The following RABGAP1L variants were observed in gnomAD, a reference collection of about 807,000 sequenced individuals.
RABGAP1L encodes the protein rab GTPase-activating protein 1-like.
In RABGAP1L, 63 loss-of-function variants were observed where a neutral mutation model predicts 137.7. The observed-to-expected ratio is 0.46, with a 90% CI of 0.37 to 0.56. The LOEUF (loss-of-function observed/expected upper bound fraction) is 0.56. Ranked by LOEUF, RABGAP1L falls within the 20% of genes least tolerant of loss-of-function variation. The pLI is 0.00. For synonymous variants in RABGAP1L, 431 were observed against 433.7 expected (o/e 0.99, Z 0.08); for missense variants, 1,095 against 1,244.0 (o/e 0.88, Z 1.80).
In RABGAP1L at chr1:174,172,177, TG is replaced by T. The variant is rs869171123; in HGVS notation, c.-34+12521del. Among the ~76,000 whole-genome samples the T allele has an allele frequency of 1.4e-3, 12 of 8,436 alleles. No homozygotes were observed. In the East Asian group the frequency reaches 0.015, roughly 10 times the overall value. 5.5% of individuals were successfully genotyped at this position (8,436 alleles called of 152,430 possible). A position where few individuals can be genotyped will look rare whatever the true frequency, so the allele number is the denominator to read the frequency against. On this transcript the variant is annotated intron_variant, in intron 1 of 25. Coordinates refer to ENST00000681986, the MANE Select transcript of RABGAP1L (RefSeq NM_001366446.1). ...TTTTTAAGGCTGAATAATATTCCCT[TG>T]TGTGTGTGTGTGTGTGTGTGTGTGT...
chr1:174,607,251 CAA>C (rs1341105157), intron 13 of RABGAP1L, among the ~76,000 whole-genome samples: 1 of 152,128 alleles, frequency 6.6e-6, no homozygotes, highest in Non-Finnish European at 1.5e-5. Flanking sequence ...AAAATAGAAA[CAA>C]AGAGCTAACA....
chr1:174,949,434 T>C lies in RABGAP1L; in HGVS notation c.2341-8023T>C, dbSNP rs116444495. Among the ~76,000 whole-genome samples the C allele has an allele frequency of 9.1e-3, 1,389 of 152,306 alleles. 21 individuals are homozygous for C. The highest frequency in any genetic ancestry group is 0.032 in the African/African-American group (1,332 of 41,572). ...AAACAAGATAGATATTTTTGAGGCG[T>C]ACAGTATAGAATCTAGTGATGGATT... On this transcript the variant is annotated intron_variant, in intron 19 of 25. Coordinates refer to ENST00000681986, the MANE Select transcript of RABGAP1L (RefSeq NM_001366446.1).
chr1:174,311,562 A>G (rs567597442), intron 11 of RABGAP1L, among the ~76,000 whole-genome samples: 1 of 152,208 alleles, frequency 6.6e-6, no homozygotes, highest in Non-Finnish European at 1.5e-5. Flanking sequence ...TTCACTTAAC[A>G]TAATGATCTC....
intron 13 of RABGAP1L, among the ~76,000 whole-genome samples, chr1:174,563,987 C>A (rs992379499): frequency 6.6e-6 from 1 of 152,110 alleles, no homozygotes; most frequent in Admixed American, 6.6e-5. Flanking sequence ...TCAATGCCTT[C>A]CCTGGGATGG....
chr1:174,602,063 G>C (rs975345361), intron 13 of RABGAP1L, among the ~76,000 whole-genome samples: 3 of 152,028 alleles, frequency 2.0e-5, no homozygotes, highest in African/African-American at 7.2e-5. Context: ...ATCTTCTTCT[G>C]AGCCCACCAA....
At chr1:174,937,185 G>T (rs969098333) in intron 19 of RABGAP1L, among the ~76,000 whole-genome samples, 7 of 151,880 alleles carry the variant, frequency 4.6e-5, no homozygotes, top group African/African-American at 1.7e-4. Flanking sequence ...CACCGTGTTG[G>T]CCAGGCTGGC....
At chr1:174,730,536 A>G (rs1682378726) in intron 17 of RABGAP1L, among the ~76,000 whole-genome samples, 1 of 152,164 alleles carries the variant, frequency 6.6e-6, no homozygotes, top group Admixed American at 6.5e-5. Flanking sequence ...TAATTACTTG[A>G]CTCCAATAAG....
At chr1:174,420,199 C>CTT (rs36019314) in intron 13 of RABGAP1L, among the ~76,000 whole-genome samples, 14 of 135,236 alleles carry the variant, frequency 1.0e-4, no homozygotes, top group African/African-American at 2.4e-4. Flanking sequence ...GCCCAACCTC[C>CTT]TTTTTTTTTT....
chr1:174,532,485 G>A (rs2147893568), intron 13 of RABGAP1L, among the ~76,000 whole-genome samples: 1 of 152,248 alleles, frequency 6.6e-6, no homozygotes, highest in South Asian at 2.1e-4. Context: ...GGGATTACAG[G>A]CATGAGCCAC....
At chr1:174,488,856 G>C (rs573480380) in intron 13 of RABGAP1L, among the ~76,000 whole-genome samples, 1 of 151,450 alleles carries the variant, frequency 6.6e-6, no homozygotes, top group Non-Finnish European at 1.5e-5. Flanking sequence ...ATGTTAATGT[G>C]CTGCACCCAT....
intron 1 of RABGAP1L, among the ~76,000 whole-genome samples, chr1:174,186,757 A>G (rs967976832): frequency 2.0e-5 from 3 of 152,224 alleles, no homozygotes; most frequent in African/African-American, 7.2e-5. Context: ...AGGAGTCATA[A>G]AAACATAACA....
At chr1:174,475,152 G>C (rs1007466717) in intron 13 of RABGAP1L, among the ~76,000 whole-genome samples, 2 of 151,964 alleles carry the variant, frequency 1.3e-5, no homozygotes, top group Admixed American at 6.6e-5. Context: ...ATCACCTTGG[G>C]AGCCTGTTCA....
intron 18 of RABGAP1L, among the ~76,000 whole-genome samples, chr1:174,807,366 AAAG>A (rs1297370350): frequency 3.9e-5 from 6 of 152,354 alleles, no homozygotes; most frequent in Admixed American, 1.3e-4. Context: ...TTTTAAAAAA[AAAG>A]CCAAACAACT....
At chr1:174,839,049 G>GTGTGTT (rs1210856667) in intron 19 of RABGAP1L, among the ~76,000 whole-genome samples, 2 of 148,420 alleles carry the variant, frequency 1.3e-5, no homozygotes, top group Non-Finnish European at 3.0e-5. Context: ...GTGTGTGTGT[G>GTGTGTT]TGTGTGTTGG....
chr1:174,634,206 A>G (rs1169031480), intron 13 of RABGAP1L, among the ~76,000 whole-genome samples: 2 of 141,276 alleles, frequency 1.4e-5, no homozygotes, highest in Non-Finnish European at 3.0e-5. Flanking sequence ...CAAACAACCC[A>G]TCAAAAAGTG....
At chr1:174,635,094 C>G (rs1673862965) in intron 13 of RABGAP1L, among the ~76,000 whole-genome samples, 1 of 151,648 alleles carries the variant, frequency 6.6e-6, no homozygotes, top group Non-Finnish European at 1.5e-5. Flanking sequence ...AAAAATTACT[C>G]AGTGTTAGGC....
At chr1:174,936,856 A>G (rs1032625860) in intron 19 of RABGAP1L, among the ~76,000 whole-genome samples, 1 of 152,064 alleles carries the variant, frequency 6.6e-6, no homozygotes, top group Non-Finnish European at 1.5e-5. Flanking sequence ...AGCTTCAATT[A>G]TATAATTACA....
intron 13 of RABGAP1L, among the ~76,000 whole-genome samples, chr1:174,532,621 A>G (rs1393442543): frequency 1.3e-5 from 2 of 152,206 alleles, no homozygotes; most frequent in Admixed American, 6.5e-5. Context: ...CAAACAAAAA[A>G]CAAGATAGGT....
chr1:174,610,592 A>G (rs1671144041), intron 13 of RABGAP1L, among the ~76,000 whole-genome samples: 2 of 152,126 alleles, frequency 1.3e-5, no homozygotes, highest in Admixed American at 6.6e-5. Context: ...GCTGGGTCAA[A>G]TGGTATTTCT....
Sources: gnomAD v4.1 joint callset for allele counts (sites outside exome capture counted in the v4.1 genomes callset) on GRCh38, gnomAD v4.1.1 for gene constraint, MANE v1.5 for transcripts, NCBI Gene and HGNC (gene_info 2026-07-23, HGNC 2026-07-21) for gene names.